VPS35L: variants seen among roughly 807,000 people sequenced by gnomAD.
VPS35L encodes the protein VPS35 endosomal protein-sorting factor-like.
A neutral mutation model predicts 133.0 loss-of-function variants in VPS35L; 83 were observed. The observed-to-expected ratio is 0.62, with a 90% CI of 0.52 to 0.75. The LOEUF (loss-of-function observed/expected upper bound fraction) is 0.75. Among genes scored for constraint, VPS35L ranks in the 30% least tolerant of loss-of-function variants. The pLI is 0.00. For missense variants in VPS35L, 1,083 were observed against 1,206.8 expected (o/e 0.90, Z 1.52); for synonymous variants, 423 against 449.9 (o/e 0.94, Z 0.76).
intron 29 of VPS35L, among the ~76,000 whole-genome samples, chr16:19,698,665 C>T (rs1311835841): frequency 6.6e-6 from 1 of 152,174 alleles, no homozygotes; most frequent in Non-Finnish European, 1.5e-5. Flanking sequence ...AGGGCTCTTA[C>T]ACGCATTCAC....
At chr16:19,657,302 T>C (rs1403497122) in intron 26 of VPS35L, among the ~76,000 whole-genome samples, 1 of 152,162 alleles carries the variant, frequency 6.6e-6, no homozygotes, top group Non-Finnish European at 1.5e-5. Flanking sequence ...ATCATGCTTT[T>C]CCCACCTTCT....
At chr16:19,558,610 TATAGCACACTTGGAA>T (rs1253272927) in intron 1 of VPS35L, among the ~76,000 whole-genome samples, 1 of 152,128 alleles carries the variant, frequency 6.6e-6, no homozygotes, top group Non-Finnish European at 1.5e-5. Context: ...ATCCTGTGGT[TATAGCACACTTGGAA>T]ATACCACCCT....
Position 19,628,751 on chromosome 16 carries a change from C to T in VPS35L, c.1498C>T (p.Gln500Ter). 7.4e-7 allele frequency: 1 copy of T among 1,351,078 alleles called. No individual in the cohort carries two copies. Among genetic ancestry groups the T allele is most frequent in the Non-Finnish European group, 1.0e-6 (1 of 1,001,952 alleles). The allele number at this position is 1,351,078 out of a possible 1,614,324, so 83.7% of individuals were successfully genotyped here. A position where few individuals can be genotyped will look rare whatever the true frequency, so the allele number is the denominator to read the frequency against. ...AGTCATCACTAAGCTGAAGAACCCA[C>T]AGGTGAGTGGCCATTTTATTTTTAT... ...WKVITKLKNP[Q>*]DYINCAEVWV... Residue 500 changes from glutamine to a stop codon, truncating the protein, a stop_gained and splice_region_variant, in exon 17 of 31, where the codon CAG becomes TAG. Transcript: ENST00000417362. LOFTEE classifies it high-confidence loss of function.
intron 26 of VPS35L, among the ~76,000 whole-genome samples, chr16:19,668,934 A>G (rs1186558264): frequency 2.0e-5 from 3 of 152,174 alleles, no homozygotes; most frequent in Non-Finnish European, 4.4e-5. Context: ...TCACTTAATA[A>G]TCTAAAGACA....
chr16:19,560,744 C>T (rs145742218), intron 1 of VPS35L, among the ~76,000 whole-genome samples: 3 of 151,220 alleles, frequency 2.0e-5, no homozygotes, highest in African/African-American at 7.3e-5. Context: ...TGCAGTGAGC[C>T]GAGATCATGC....
chr16:19,561,638 G>A (rs368215392), intron 1 of VPS35L, among the ~76,000 whole-genome samples: 43 of 152,228 alleles, frequency 2.8e-4, no homozygotes, highest in African/African-American at 1.0e-3. Flanking sequence ...CAGAAGATGG[G>A]GTGGGGGGAT....
At chr16:19,579,212 TTTGA>T (rs1351640443) in intron 6 of VPS35L, 84 bp downstream of exon 6, 1 of 1,236,614 alleles carries the variant, frequency 8.1e-7, no homozygotes, top group Non-Finnish European at 1.2e-6. Flanking sequence ...GTGGCTGCTC[TTTGA>T]TTAATTCCTG....
intron 1 of VPS35L, among the ~76,000 whole-genome samples, chr16:19,556,207 C>T (rs115218178): frequency 0.018 from 2,731 of 152,282 alleles, 93 homozygotes; most frequent in African/African-American, 0.063. Context: ...TCATCCTATC[C>T]TAGGCACAGC....
intron 5 of VPS35L, chr16:19,578,794 T>C: frequency 2.0e-6 from 1 of 504,518 alleles, no homozygotes; most frequent in Non-Finnish European, 3.6e-6. Context: ...AGAGCAAAGT[T>C]TGTAAATCTC....
intron 7 of VPS35L, 188 bp downstream of exon 7, chr16:19,581,841 G>T (rs7184710): frequency 1.4e-6 from 1 of 699,738 alleles, no homozygotes; most frequent in Non-Finnish European, 2.3e-6. Flanking sequence ...TAATCCCAGG[G>T]TTACCATGTG....
At chr16:19,626,592 T>G (rs1973269537) in intron 15 of VPS35L, among the ~76,000 whole-genome samples, 1 of 151,838 alleles carries the variant, frequency 6.6e-6, no homozygotes. Context: ...CAAAACCCCA[T>G]CTCTACTAAA....
rs774922601 is a variant in VPS35L, at chr16:19,616,717, T to G, written c.1133T>G (p.Val378Gly). ...GGGGATACGGTCCAGAACCAGCTGG[T>G]GGTCCAAGGAGTGGAGCTCCCATCT... ...IHGDTVQNQL[V>G]VQGVELPSYL... is the part of the protein sequence containing the mutation. Residue 378 changes from valine (V) to glycine (G), a missense_variant, in exon 14 of 31, where the codon GTG (valine) becomes GGG (glycine). Physicochemically the swap from Val to Gly is moderately radical, Grantham distance 109. Transcript: ENST00000417362. 1.2e-6 allele frequency: 2 copies of G among 1,613,972 alleles called. No individual in the cohort carries two copies. Among genetic ancestry groups the G allele is most frequent in the African/African-American group, 2.7e-5 (2 of 74,896 alleles).
chr16:19,619,632 T>A (rs753320402), intron 14 of VPS35L, among the ~76,000 whole-genome samples: 59 of 152,322 alleles, frequency 3.9e-4, no homozygotes, highest in Non-Finnish European at 6.5e-4. Context: ...GTCTTCTTTT[T>A]ATTTTAAGCC....
chr16:19,630,690 A>G (rs537662695), intron 18 of VPS35L, among the ~76,000 whole-genome samples: 1 of 152,074 alleles, frequency 6.6e-6, no homozygotes, highest in African/African-American at 2.4e-5. Context: ...TGCCCTCCCA[A>G]AATTCATATG....
intron 7 of VPS35L, among the ~76,000 whole-genome samples, chr16:19,590,385 C>CT (rs1440625172): frequency 6.6e-6 from 1 of 151,934 alleles, no homozygotes; most frequent in African/African-American, 2.4e-5. Context: ...GTCTGAACAT[C>CT]TTTTTTTTAA....
intron 8 of VPS35L, 129 bp from the exon 9 acceptor site, chr16:19,601,535 G>A: frequency 1.2e-6 from 1 of 812,034 alleles, no homozygotes; most frequent in South Asian, 1.9e-5. Flanking sequence ...CCCACCAGGT[G>A]GCAGCATACC....
Position 19,606,122 on chromosome 16 carries a change from G to A in VPS35L, c.785-2056G>A, listed in dbSNP as rs550703768. ...TTGTCGTATAGCTTGTAGTCAATGC[G>A]TGTATGCAAGGCAGCCTGCCTTTAG... On this transcript the variant is annotated intron_variant, in intron 9 of 30. Coordinates refer to ENST00000417362, the MANE Select transcript of VPS35L (RefSeq NM_020314.7). Among the ~76,000 whole-genome samples the A allele has an allele frequency of 1.4e-4, 21 of 152,308 alleles. No homozygotes were observed. The East Asian group carries it at 3.5e-3, about 25-fold the overall frequency.
chr16:19,658,520 C>T (rs1439953911), intron 26 of VPS35L, among the ~76,000 whole-genome samples: 2 of 152,096 alleles, frequency 1.3e-5, no homozygotes, highest in Non-Finnish European at 1.5e-5. Flanking sequence ...CAGGGTGAGA[C>T]CGTGTCTCAA....
chr16:19,579,842 A>G (rs1404226599), intron 6 of VPS35L: 3 of 151,980 alleles, frequency 2.0e-5, no homozygotes, highest in Non-Finnish European at 4.4e-5. Flanking sequence ...TTGAAAAAAA[A>G]GTGAGTCTTT....
Sources: gnomAD v4.1 joint callset for allele counts (sites outside exome capture counted in the v4.1 genomes callset) on GRCh38, gnomAD v4.1.1 for gene constraint, MANE v1.5 for transcripts, NCBI Gene and HGNC (gene_info 2026-07-23, HGNC 2026-07-21) for gene names.